Variants in PTCHD4 observed in about 807,000 individuals in gnomAD.
PTCHD4 encodes patched domain-containing protein 4.
PTCHD4 carries 33 observed loss-of-function variants against 58.1 expected under a neutral mutation model. That is an observed-to-expected ratio of 0.57 (90% CI 0.43 to 0.76). The LOEUF is 0.76. Ranked by LOEUF, PTCHD4 falls within the 30% of genes least tolerant of loss-of-function variation. The probability of loss-of-function intolerance (pLI) is 0.00; values close to 1 mark genes in which losing one functional copy is unlikely to be tolerated. For missense variants in PTCHD4, 1,058 were observed against 1,027.1 expected, an observed-to-expected ratio of 1.03 and a Z score of -0.41; for synonymous variants, 478 against 409.6, an observed-to-expected ratio of 1.17 and a Z score of -2.02.
chr6:48,095,394 G>C (rs1015903544), intron 1 of PTCHD4, among the ~76,000 whole-genome samples: 10 of 152,166 alleles, frequency 6.6e-5, no homozygotes, highest in Admixed American at 5.9e-4. Context: ...TTTTAAAAAA[G>C]AAATATAGGT....
At chr6:47,957,791 A>G (rs1038772695) in intron 4 of PTCHD4, among the ~76,000 whole-genome samples, 3 of 151,602 alleles carry the variant, frequency 2.0e-5, no homozygotes, top group Admixed American at 2.0e-4. Context: ...TTTTTAGTAG[A>G]AAAAGGGTTT....
At chr6:48,021,220 G>A (rs1763058691) in intron 3 of PTCHD4, among the ~76,000 whole-genome samples, 1 of 151,746 alleles carries the variant, frequency 6.6e-6, no homozygotes, top group Non-Finnish European at 1.5e-5. Context: ...ATGAAAGACT[G>A]TGGTTTTGCC....
At chr6:48,071,939 T>G (rs1452291463) in intron 1 of PTCHD4, among the ~76,000 whole-genome samples, 2 of 152,194 alleles carry the variant, frequency 1.3e-5, no homozygotes, top group Non-Finnish European at 2.9e-5. Context: ...AGGAGATTTT[T>G]GGGACGAAGA....
chr6:47,918,874 G>C (rs994475533), intron 4 of PTCHD4, among the ~76,000 whole-genome samples: 1 of 152,160 alleles, frequency 6.6e-6, no homozygotes, highest in Non-Finnish European at 1.5e-5. Flanking sequence ...AGATGTAAGA[G>C]AAAATGATGT....
In PTCHD4 at chr6:48,078,819, T is replaced by C. The variant is rs191315979; in HGVS notation, c.-969-8893A>G. On this transcript the variant is annotated intron_variant, in intron 1 of 4. Transcript: ENST00000339488. ...AATATATTTCTCTCTTAATGTTTGT[T>C]ATGAAATTGCATATTTTGGCCGGGC... Among the ~76,000 whole-genome samples the C allele has an allele frequency of 4.7e-3, 721 of 152,290 alleles. 5 individuals carry two copies. Among genetic ancestry groups the C allele is most frequent in the African/African-American group, 0.016 (650 of 41,572 alleles).
chr6:47,939,675 C>T (rs904998569), intron 4 of PTCHD4, among the ~76,000 whole-genome samples: 5 of 152,084 alleles, frequency 3.3e-5, no homozygotes, highest in African/African-American at 1.2e-4. Context: ...TTCCTCATCT[C>T]TAAAGTAGGG....
At chr6:48,047,009 T>C (rs1393483335) in intron 3 of PTCHD4, among the ~76,000 whole-genome samples, 3 of 151,920 alleles carry the variant, frequency 2.0e-5, no homozygotes, top group Non-Finnish European at 2.9e-5. Context: ...TTGCTTGCAA[T>C]GTCTTGGATT....
rs1453969239 is a variant in PTCHD4 at position 48,068,634 on chromosome 6, C to T, written c.13G>A (p.Gly5Arg). 2 of 1,550,988 alleles carry T rather than the reference C, an allele frequency of 1.3e-6. No homozygotes were observed. The highest frequency in any genetic ancestry group is 2.7e-5 in the African/African-American group (2 of 73,428). MRRPGAPASWIWWRM... is the reference protein window; with the variant it reads MRRPRAPASWIWWRM... ...CACCAGATCCAGCTCGCAGGCGCTC[C>T]CGGCCGTCTTAAAAAGCACATGTGA... The change falls in exon 3 of 5, where the codon GGA becomes AGA. Residue 5 changes from glycine (G) to arginine (R), a missense_variant. By Grantham distance (125) the Gly-to-Arg change is moderately radical. Coordinates refer to ENST00000339488, the MANE Select transcript of PTCHD4 (RefSeq NM_001384253.1). The surrounding 1 kb of genome is among the most constrained non-coding windows in gnomAD (Gnocchi z 4.2).
chr6:48,078,120 G>A (rs1765094541), intron 1 of PTCHD4, among the ~76,000 whole-genome samples: 1 of 152,158 alleles, frequency 6.6e-6, no homozygotes, highest in Non-Finnish European at 1.5e-5. Context: ...AATTTAACTA[G>A]GTGATGATTA....
chr6:47,986,544 ATTAG>A (rs1768072083), intron 4 of PTCHD4, among the ~76,000 whole-genome samples: 1 of 152,104 alleles, frequency 6.6e-6, no homozygotes, highest in African/African-American at 2.4e-5. Context: ...CTCCTGAGGT[ATTAG>A]TTAAGAATCT....
rs1763638259 is a variant in PTCHD4, at chr6:47,868,646, G to A, written c.*9657C>T. Among the ~76,000 whole-genome samples, 1 of 151,716 alleles carries A rather than the reference G, an allele frequency of 6.6e-6. No individual in the cohort carries two copies. Among genetic ancestry groups the A allele is most frequent in the African/African-American group, 2.4e-5 (1 of 41,372 alleles). On this transcript the variant is annotated 3_prime_UTR_variant, in exon 5 of 5. Transcript: ENST00000339488. The stretch of plus-strand genomic sequence containing the variant: ...ATTTCAACTTGAAGCACATATAAAT[G>A]ACAATAAATAGTACTTTTGCAAACT...
At position 47,866,007 on chromosome 6, in the gene PTCHD4, G is replaced by GGT. The variant is rs147931262; in HGVS notation, c.*12294_*12295dup. 0.036 allele frequency among the ~76,000 whole-genome samples: 5,532 copies of GGT among 151,754 alleles called. 154 individuals carry two copies. The highest frequency in any genetic ancestry group is 0.048 in the Non-Finnish European group (3,233 of 67,780). On this transcript the variant is annotated 3_prime_UTR_variant, in exon 5 of 5. Transcript: ENST00000339488. ...TGCTCAGTCTGGTCCCGTCACATGG[G>GGT]GTGCTCAGGCCAATAATCTTACCTC... is the stretch of plus-strand genomic sequence containing the variant.
chr6:48,068,511 G>T lies in PTCHD4; in HGVS notation c.136C>A (p.Pro46Thr). 1 of 1,612,788 alleles carries T rather than the reference G, an allele frequency of 6.2e-7. No homozygotes were observed. Among genetic ancestry groups the T allele is most frequent in the Non-Finnish European group, 8.5e-7 (1 of 1,179,782 alleles). The change falls in exon 3 of 5, where the codon CCC becomes ACC. Residue 46 changes from proline to threonine, a missense_variant. Pro to Thr is a conservative substitution (Grantham distance 38, BLOSUM62 -1). Transcript: ENST00000339488. This position sits in a 1 kb window ranked among gnomAD's most constrained non-coding sequence, Gnocchi z 4.2. ...SRHPVFFLTV[P>T]AVLTITFGLS... ...CCGAAGGTGATTGTCAGGACTGCGG[G>T]CACGGTGAGGAAAAAGACCGGGTGC...
rs967914060 is a variant in PTCHD4 at position 47,865,487 on chromosome 6, C to G, written c.*12816G>C. 1.3e-5 allele frequency among the ~76,000 whole-genome samples: 2 copies of G among 151,864 alleles called. No individual in the cohort carries two copies. Among genetic ancestry groups the G allele is most frequent in the Admixed American group, 6.6e-5 (1 of 15,224 alleles). Reference sequence around the variant, plus strand: ...CATTAGAGTATTGTAGTAAATAGATCACACAGAGCTAATAACTAGTTACTG... The same window carrying G: ...CATTAGAGTATTGTAGTAAATAGATGACACAGAGCTAATAACTAGTTACTG... On this transcript the variant is annotated 3_prime_UTR_variant, in exon 5 of 5. Coordinates refer to ENST00000339488, the MANE Select transcript of PTCHD4 (RefSeq NM_001384253.1).
chr6:48,066,437 T>C (rs1026977112), intron 3 of PTCHD4, among the ~76,000 whole-genome samples: 5 of 152,106 alleles, frequency 3.3e-5, no homozygotes, highest in African/African-American at 1.2e-4. Context: ...GTTGACTCCA[T>C]AGGAAAAACC....
At chr6:48,016,081 C>T (rs1025656755) in intron 3 of PTCHD4, among the ~76,000 whole-genome samples, 2 of 151,914 alleles carry the variant, frequency 1.3e-5, no homozygotes, top group South Asian at 2.1e-4. Context: ...ATAATATTTC[C>T]CCCAAATATG....
Position 47,866,139 on chromosome 6 carries a change from G to A in PTCHD4, c.*12164C>T, listed in dbSNP as rs1316519434. Among the ~76,000 whole-genome samples, 1 of 151,780 alleles carries A rather than the reference G, an allele frequency of 6.6e-6. No homozygotes were observed. The highest frequency in any genetic ancestry group is 1.5e-5 in the Non-Finnish European group (1 of 67,872). On this transcript the variant is annotated 3_prime_UTR_variant, in exon 5 of 5. Coordinates refer to ENST00000339488, the MANE Select transcript of PTCHD4 (RefSeq NM_001384253.1). ...CCTTTTGGACTCTGTACAAGTTCTG[G>A]CTTATATTCTAGTTATAGATGTCAC... is the stretch of plus-strand genomic sequence containing the variant.
chr6:47,900,205 AGACT>A (rs1194421710), intron 4 of PTCHD4: 2 of 152,202 alleles, frequency 1.3e-5, no homozygotes, highest in Non-Finnish European at 2.9e-5. Flanking sequence ...AGGAACTGTC[AGACT>A]ATTTTCCAAA....
chr6:47,925,840 T>C (rs933307947), intron 4 of PTCHD4, among the ~76,000 whole-genome samples: 5 of 152,222 alleles, frequency 3.3e-5, no homozygotes, highest in Non-Finnish European at 5.9e-5. Flanking sequence ...TCCAGTTACA[T>C]ATGCCTCCTT....
Sources: gnomAD v4.1 joint callset for allele counts (sites outside exome capture counted in the v4.1 genomes callset) on GRCh38, gnomAD v4.1.1 for gene constraint, Gnocchi (gnomAD v3.1) non-coding constraint, MANE v1.5 for transcripts, NCBI Gene and HGNC (gene_info 2026-07-23, HGNC 2026-07-21) for gene names.